SLC12A7: variants seen among roughly 807,000 people sequenced by gnomAD.
SLC12A7 encodes the protein K-Cl cotransporter 4.
A neutral mutation model predicts 120.6 loss-of-function variants in SLC12A7; 100 were observed. The ratio of observed to expected loss-of-function variants is 0.83; its 90% CI spans 0.71 to 0.98. The LOEUF is 0.98. Among genes scored for constraint, SLC12A7 ranks in the 50% least tolerant of loss-of-function variants. The probability of loss-of-function intolerance (pLI) is 0.00; values close to 1 mark genes in which losing one functional copy is unlikely to be tolerated. For synonymous variants in SLC12A7, 760 were observed against 678.0 expected, an observed-to-expected ratio of 1.12 and a Z score of -1.88; for missense variants, 1,373 against 1,548.1, an observed-to-expected ratio of 0.89 and a Z score of 1.90.
the SLC12A7 span, among the ~76,000 whole-genome samples, chr5:1,130,972 T>C: frequency 0.044 from 6,628 of 152,002 alleles, 461 homozygotes; most frequent in African/African-American, 0.15. Context: ...GTCTGAGGGC[T>C]GCTGGGGGCC....
the SLC12A7 span, among the ~76,000 whole-genome samples, chr5:1,141,065 C>A: frequency 6.6e-6 from 1 of 152,202 alleles, no homozygotes; most frequent in Admixed American, 6.5e-5. Flanking sequence ...ACACCACAGA[C>A]ACGTCTCGAA....
At chr5:1,085,161 A>AG in intron 7 of SLC12A7, 71 bp downstream of exon 7, 2 of 1,565,072 alleles carry the variant, frequency 1.3e-6, no homozygotes, top group South Asian at 2.4e-5. Context: ...GATGGACGAG[A>AG]GGCGGGCAGA....
chr5:1,054,874 C>G (rs1443675437), intron 22 of SLC12A7, among the ~76,000 whole-genome samples: 5 of 152,222 alleles, frequency 3.3e-5, no homozygotes, highest in Non-Finnish European at 7.3e-5. Context: ...AGTCAAGGGG[C>G]TTTCGTGCCA....
intron 22 of SLC12A7, among the ~76,000 whole-genome samples, chr5:1,055,221 C>T (rs1735484309): frequency 6.6e-6 from 1 of 152,164 alleles, no homozygotes; most frequent in Non-Finnish European, 1.5e-5. Context: ...CTATCATGTA[C>T]AAACAGGCAT....
At chr5:1,073,915 A>T in intron 16 of SLC12A7, 114 bp from the exon 17 acceptor site, 1 of 1,063,746 alleles carries the variant, frequency 9.4e-7, no homozygotes, top group Non-Finnish European at 1.2e-6. Context: ...GACGGGAGAT[A>T]CATGACAGGC....
chr5:1,075,081 G>A (rs896825406), intron 15 of SLC12A7, among the ~76,000 whole-genome samples: 2 of 152,308 alleles, frequency 1.3e-5, no homozygotes, highest in African/African-American at 4.8e-5. Context: ...CGCGAGACAC[G>A]TAGCAGGAAT....
At chr5:1,138,301 C>T in the SLC12A7 span, among the ~76,000 whole-genome samples, 53 of 152,164 alleles carry the variant, frequency 3.5e-4, no homozygotes, top group African/African-American at 1.2e-3. Context: ...TTATTTGACC[C>T]CACCCACATC....
At chr5:1,060,518 C>G in intron 20 of SLC12A7, 67 bp from the exon 21 acceptor site, 1 of 1,299,670 alleles carries the variant, frequency 7.7e-7, no homozygotes, top group Non-Finnish European at 1.1e-6. Context: ...CAACACCAGC[C>G]CGGTACCCAG....
chr5:1,059,746 A>G (rs1735989714), intron 21 of SLC12A7, among the ~76,000 whole-genome samples: 1 of 121,710 alleles, frequency 8.2e-6, no homozygotes, highest in Admixed American at 1.0e-4. Context: ...CGGAGGCTGC[A>G]CAGGTCTGTG....
At chr5:1,136,999 GCACACACACCAACAGCAGGA>G in the SLC12A7 span, among the ~76,000 whole-genome samples, 1 of 149,514 alleles carries the variant, frequency 6.7e-6, no homozygotes, top group African/African-American at 2.5e-5. Context: ...ACACACATGT[GCACACACACCAACAGCAGGA>G]CACACACACG....
chr5:1,146,287 T>C, the SLC12A7 span, among the ~76,000 whole-genome samples: 3 of 151,826 alleles, frequency 2.0e-5, no homozygotes, highest in Non-Finnish European at 4.4e-5. This position sits in a 1 kb window ranked among gnomAD's most constrained non-coding sequence, Gnocchi z 6.5. Context: ...GCTTTTGGAG[T>C]GGAGTTGTGG....
At chr5:1,123,499 T>A in the SLC12A7 span, among the ~76,000 whole-genome samples, 1 of 152,086 alleles carries the variant, frequency 6.6e-6, no homozygotes, top group East Asian at 1.9e-4. Context: ...CTGTCTAGCC[T>A]CCTCCCTGCC....
intron 1 of SLC12A7, among the ~76,000 whole-genome samples, chr5:1,100,627 T>C (rs1243242204): frequency 1.3e-5 from 2 of 152,208 alleles, no homozygotes; most frequent in Non-Finnish European, 2.9e-5. Flanking sequence ...CCAAGTGCTG[T>C]TGACGCGTGT....
chr5:1,063,393 C>T (rs1736520820), intron 20 of SLC12A7, among the ~76,000 whole-genome samples: 1 of 152,200 alleles, frequency 6.6e-6, no homozygotes, highest in Non-Finnish European at 1.5e-5. Flanking sequence ...GTGTGAGGTC[C>T]TGGACGGGGT....
chr5:1,140,718 G>A, the SLC12A7 span, among the ~76,000 whole-genome samples: 11 of 152,400 alleles, frequency 7.2e-5, no homozygotes, highest in South Asian at 2.1e-3. Context: ...GCGGAGCCCA[G>A]GGCCCCGGGG....
intron 4 of SLC12A7, 84 bp downstream of exon 4, chr5:1,088,897 CA>C: frequency 5.1e-6 from 8 of 1,559,514 alleles, no homozygotes; most frequent in South Asian, 1.1e-5. Context: ...CCACAGCGGC[CA>C]GGGGAGACGG....
chr5:1,064,119 C>T lies in SLC12A7; in HGVS notation c.2571G>A (p.Met857Ile). Residue 857 changes from methionine (M) to isoleucine (I), a missense_variant, in exon 19 of 24, where the codon ATG becomes ATA. Physicochemically the swap from Met to Ile is conservative, Grantham distance 10 (BLOSUM62 1). Coordinates refer to ENST00000264930, the MANE Select transcript of SLC12A7 (RefSeq NM_006598.3). ...DVWWIVHDGG[M>I]LMLLPFLLRQ... ...GCAGCAGGAAGGGCAGCAGCATGAGCATGCCGCCGTCGTGCACGATCCACC... is the reference window on the plus strand; with the variant it reads ...GCAGCAGGAAGGGCAGCAGCATGAGTATGCCGCCGTCGTGCACGATCCACC... 1 of 1,610,074 alleles carries T rather than the reference C, an allele frequency of 6.2e-7. No homozygotes were observed. Among genetic ancestry groups the T allele is most frequent in the Non-Finnish European group, 8.5e-7 (1 of 1,178,216 alleles).
chr5:1,081,904 G>A (rs1055412009), intron 8 of SLC12A7, among the ~76,000 whole-genome samples, 160 bp from the exon 9 acceptor site: 1 of 152,260 alleles, frequency 6.6e-6, no homozygotes, highest in African/African-American at 2.4e-5. Context: ...CTTTCGAGAT[G>A]GTACCTCTGG....
In SLC12A7 at chr5:1,094,139, A is replaced by T. The variant is rs555300749; in HGVS notation, c.219+15T>A. The T allele has an allele frequency of 2.5e-6, 4 of 1,604,026 alleles. No homozygotes were observed. In the South Asian group the frequency reaches 4.4e-5, roughly 18 times the overall value. ...AACGGCCCTGGCACCTTCTTCTTCTAAAAAGTAAAGTTACCTCGAAAAGTG... is the reference window on the plus strand; with the variant it reads ...AACGGCCCTGGCACCTTCTTCTTCTTAAAAGTAAAGTTACCTCGAAAAGTG... On this transcript the variant is annotated intron_variant, in intron 2 of 23. Coordinates refer to ENST00000264930, the MANE Select transcript of SLC12A7 (RefSeq NM_006598.3).
Sources: gnomAD v4.1 joint callset for allele counts (sites outside exome capture counted in the v4.1 genomes callset) on GRCh38, gnomAD v4.1.1 for gene constraint, Gnocchi (gnomAD v3.1) non-coding constraint, MANE v1.5 for transcripts, NCBI Gene and HGNC (gene_info 2026-07-23, HGNC 2026-07-21) for gene names.